Variants in PPP1R12B observed in about 807,000 individuals in gnomAD.
PPP1R12B encodes the protein myosin phosphatase target subunit 2.
PPP1R12B carries 76 observed loss-of-function variants against 126.1 expected under a neutral mutation model. That is an observed-to-expected ratio of 0.60 (90% CI 0.50 to 0.73). The LOEUF (loss-of-function observed/expected upper bound fraction) is 0.73, where lower values mean the gene tolerates loss of function less well. Among genes scored for constraint, PPP1R12B ranks in the 30% least tolerant of loss-of-function variants. The probability of loss-of-function intolerance (pLI) is 0.00; values close to 1 mark genes in which losing one functional copy is unlikely to be tolerated. For missense variants in PPP1R12B, 1,052 were observed against 1,205.1 expected, an observed-to-expected ratio of 0.87 and a Z score of 1.88; for synonymous variants, 356 against 434.7, an observed-to-expected ratio of 0.82 and a Z score of 2.25.
chr1:202,557,120 A>G (rs549555694), intron 18 of PPP1R12B, among the ~76,000 whole-genome samples: 19 of 152,154 alleles, frequency 1.2e-4, no homozygotes, highest in South Asian at 4.1e-4. Flanking sequence ...TCCATGTAGC[A>G]TGGATCACAG....
Position 202,587,950 on chromosome 1 carries a change from A to G in PPP1R12B, c.*7390A>G, listed in dbSNP as rs1689924339. On this transcript the variant is annotated 3_prime_UTR_variant, in exon 24 of 24. Transcript: ENST00000608999. ...CAGAATACCTCCTTTTCTAGCCAGCATCCCTTGAACTTTTGAAAGGTTGTG... is the reference window on the plus strand; with the variant it reads ...CAGAATACCTCCTTTTCTAGCCAGCGTCCCTTGAACTTTTGAAAGGTTGTG... 6.6e-6 allele frequency: 1 copy of G among 152,338 alleles called. No individual in the cohort carries two copies. Among genetic ancestry groups the G allele is most frequent in the African/African-American group, 2.4e-5 (1 of 41,570 alleles). 9.4% of individuals were successfully genotyped at this position (152,338 alleles called of 1,614,324 possible).
chr1:202,585,667 T>A lies in PPP1R12B; in HGVS notation c.*5107T>A, dbSNP rs1268486002. On this transcript the variant is annotated 3_prime_UTR_variant, in exon 24 of 24. Coordinates refer to ENST00000608999, the MANE Select transcript of PPP1R12B (RefSeq NM_002481.4). Reference sequence around the variant, plus strand: ...TGTTTTCTTCTGGATTTAAACTGTTTAATATGAGCACATCAAGGTTGACTT... The same window carrying A: ...TGTTTTCTTCTGGATTTAAACTGTTAAATATGAGCACATCAAGGTTGACTT... 6.6e-6 allele frequency: 1 copy of A among 152,232 alleles called. No individual in the cohort carries two copies. The allele number at this position is 152,232 out of a possible 1,614,324, so 9.4% of individuals were successfully genotyped here.
At chr1:202,515,572 T>C (rs1218804450) in intron 18 of PPP1R12B, among the ~76,000 whole-genome samples, 11 of 152,154 alleles carry the variant, frequency 7.2e-5, no homozygotes, top group Admixed American at 1.3e-4. Flanking sequence ...TGTTTTTTGT[T>C]TTGGTTTTTG....
chr1:202,396,934 A>G (rs183433814), intron 1 of PPP1R12B, among the ~76,000 whole-genome samples: 72 of 152,176 alleles, frequency 4.7e-4, no homozygotes, highest in Non-Finnish European at 8.2e-4. Context: ...TTCTGTCTTT[A>G]TTTTGGAGCC....
intron 1 of PPP1R12B, among the ~76,000 whole-genome samples, chr1:202,358,683 A>G (rs78215633): frequency 2.0e-5 from 1 of 50,864 alleles, no homozygotes; most frequent in Non-Finnish European, 5.4e-5. Flanking sequence ...CTCCGTCTCA[A>G]AAAAAAAAAA....
chr1:202,488,488 T>C (rs1485883271), intron 13 of PPP1R12B, 45 bp from the exon 14 acceptor site: 6 of 1,399,302 alleles, frequency 4.3e-6, no homozygotes, highest in African/African-American at 4.2e-5. Flanking sequence ...CTCAAGTATA[T>C]GCAGCAAAGA....
chr1:202,349,930 C>T (rs556549445), intron 1 of PPP1R12B, among the ~76,000 whole-genome samples: 17 of 152,196 alleles, frequency 1.1e-4, no homozygotes, highest in South Asian at 6.2e-4. Context: ...ACTTCTGTCA[C>T]CTAATGCAGC....
intron 10 of PPP1R12B, chr1:202,439,720 C>T: frequency 1.7e-6 from 1 of 580,936 alleles, no homozygotes; most frequent in Non-Finnish European, 3.1e-6. Flanking sequence ...GCCCAGCCAG[C>T]AGGAGGGACT....
chr1:202,568,045 T>A (rs574015009), intron 22 of PPP1R12B, among the ~76,000 whole-genome samples: 1 of 152,174 alleles, frequency 6.6e-6, no homozygotes, highest in Non-Finnish European at 1.5e-5. Flanking sequence ...GTCAGTACTT[T>A]CCACATATTT....
intron 1 of PPP1R12B, among the ~76,000 whole-genome samples, chr1:202,352,051 A>C (rs778322482): frequency 2.0e-5 from 3 of 152,218 alleles, no homozygotes; most frequent in Non-Finnish European, 4.4e-5. Flanking sequence ...TTGGAAACTG[A>C]TGCAGACTAA....
chr1:202,478,433 C>T (rs2148813105), intron 13 of PPP1R12B, among the ~76,000 whole-genome samples: 1 of 152,210 alleles, frequency 6.6e-6, no homozygotes, highest in African/African-American at 2.4e-5. Context: ...GAATGCCCAT[C>T]TGAGATAAAG....
At chr1:202,516,715 C>G (rs2148905925) in intron 18 of PPP1R12B, among the ~76,000 whole-genome samples, 2 of 152,244 alleles carry the variant, frequency 1.3e-5, no homozygotes, top group South Asian at 4.1e-4. Context: ...CTGATTCCAT[C>G]TAAATTGTTT....
chr1:202,559,126 G>C (rs1381122754), intron 19 of PPP1R12B, among the ~76,000 whole-genome samples: 6 of 152,026 alleles, frequency 3.9e-5, no homozygotes, highest in Admixed American at 1.3e-4. Context: ...AGTTCACCTT[G>C]TAGACTTCCA....
chr1:202,507,793 T>C (rs1680984586), intron 18 of PPP1R12B, among the ~76,000 whole-genome samples: 1 of 152,206 alleles, frequency 6.6e-6, no homozygotes, highest in Admixed American at 6.5e-5. Context: ...TCTCTTTCAG[T>C]TGGAGTCTAA....
At chr1:202,571,305 A>G (rs1048884661) in intron 23 of PPP1R12B, among the ~76,000 whole-genome samples, 2 of 152,342 alleles carry the variant, frequency 1.3e-5, no homozygotes, top group East Asian at 3.9e-4. Context: ...AAGAGATTAT[A>G]AGATACGAAA....
Position 202,584,470 on chromosome 1 carries a change from A to G in PPP1R12B, c.*3910A>G, listed in dbSNP as rs940550696. The G allele has an allele frequency of 1.3e-5, 2 of 152,240 alleles. No homozygotes were observed. Among genetic ancestry groups the G allele is most frequent in the East Asian group, 1.9e-4 (1 of 5,200 alleles). 9.4% of individuals were successfully genotyped at this position (152,240 alleles called of 1,614,324 possible). On this transcript the variant is annotated 3_prime_UTR_variant, in exon 24 of 24. Coordinates refer to ENST00000608999, the MANE Select transcript of PPP1R12B (RefSeq NM_002481.4). ...TGTGTAAACTACTGACTGTTTCTCC[A>G]CTAGAGGCATTTAATTGAGCCAAAG... is the stretch of plus-strand genomic sequence containing the variant.
intron 1 of PPP1R12B, among the ~76,000 whole-genome samples, chr1:202,353,717 C>CT (rs1430452459): frequency 6.6e-6 from 1 of 151,420 alleles, no homozygotes; most frequent in East Asian, 1.9e-4. Flanking sequence ...TCAAGTGATC[C>CT]TCCCCACCTC....
At chr1:202,454,892 A>G (rs1191878669) in intron 13 of PPP1R12B, among the ~76,000 whole-genome samples, 1 of 152,006 alleles carries the variant, frequency 6.6e-6, no homozygotes, top group Non-Finnish European at 1.5e-5. Flanking sequence ...ACTGTACTCT[A>G]TCCTCGACCA....
chr1:202,417,816 G>A (rs1011776737), intron 2 of PPP1R12B, among the ~76,000 whole-genome samples: 5 of 152,230 alleles, frequency 3.3e-5, no homozygotes, highest in African/African-American at 1.2e-4. Flanking sequence ...ACAGCAGGGA[G>A]AATTTTGTTG....
Sources: allele counts gnomAD v4.1 joint callset (sites outside exome capture counted in the v4.1 genomes callset), GRCh38; gene constraint gnomAD v4.1.1; transcripts MANE v1.5; gene names NCBI Gene and HGNC (gene_info 2026-07-23, HGNC 2026-07-21).